The following THG1L variants were observed in gnomAD, a reference collection of about 807,000 sequenced individuals.
THG1L encodes the protein tRNA-histidine guanylyltransferase 1 like.
THG1L carries 27 observed loss-of-function variants against 35.2 expected under a neutral mutation model. The observed-to-expected ratio is 0.77, with a 90% CI of 0.57 to 1.06. The LOEUF is 1.06. THG1L is among the 50% of genes least tolerant of loss of function. The pLI, the probability that THG1L is intolerant of heterozygous loss-of-function variation, is 0.00. For synonymous variants in THG1L, 135 were observed against 132.4 expected, an observed-to-expected ratio of 1.02 and a Z score of -0.14; for missense variants, 377 against 371.8, an observed-to-expected ratio of 1.01 and a Z score of -0.12.
At position 157,732,966 on chromosome 5, in the gene THG1L, T is replaced by C. The variant is rs745642107; in HGVS notation, c.290T>C (p.Ile97Thr). The change falls in exon 2 of 6, where the codon ATT becomes ACT. Residue 97 changes from isoleucine (I) to threonine (T), a missense_variant. Coordinates refer to ENST00000231198, the MANE Select transcript of THG1L (RefSeq NM_017872.5). ...ACTGTGATGGAAGAACTAGAGGATA[T>C]TGTGATCGCGTATGGACAGAGTGAT... Reference protein sequence around the residue: ...AQTVMEELEDIVIAYGQSDEY... With the variant: ...AQTVMEELEDTVIAYGQSDEY... The C allele has an allele frequency of 3.1e-6, 5 of 1,614,226 alleles. No homozygotes were observed. The highest frequency in any genetic ancestry group is 1.1e-5 in the South Asian group (1 of 91,080).
At position 157,739,553 on chromosome 5, in the gene THG1L, G is replaced by C; in HGVS notation, c.*71G>C. On this transcript the variant is annotated 3_prime_UTR_variant, in exon 6 of 6. Coordinates refer to ENST00000231198, the MANE Select transcript of THG1L (RefSeq NM_017872.5). ...CCACCTCCCAGGGCTCCTTGCCTTA[G>C]GTGGCTGTAGCATCCCTACCACCCA... The C allele has an allele frequency of 1.3e-6, 2 of 1,525,186 alleles. No individual in the cohort carries two copies. Among genetic ancestry groups the C allele is most frequent in the Admixed American group, 2.1e-5 (1 of 47,770 alleles). The allele number at this position is 1,525,186 out of a possible 1,614,324, so 94.5% of individuals were successfully genotyped here. A position where few individuals can be genotyped will look rare whatever the true frequency, so the allele number is the denominator to read the frequency against.
Position 157,740,694 on chromosome 5 carries a change from G to A in THG1L, c.*1212G>A, listed in dbSNP as rs1581445662. ...AGGCAGGCAGATCACCTGAGGTCGG[G>A]AGTTCGAGACCAGCGTGACCAACGT... On this transcript the variant is annotated 3_prime_UTR_variant, in exon 6 of 6. Coordinates refer to ENST00000231198, the MANE Select transcript of THG1L (RefSeq NM_017872.5). The A allele has an allele frequency of 6.6e-6, 1 of 152,268 alleles. No individual in the cohort carries two copies. Among genetic ancestry groups the A allele is most frequent in the East Asian group, 1.9e-4 (1 of 5,190 alleles). 9.4% of individuals were successfully genotyped at this position (152,268 alleles called of 1,614,324 possible).
rs1760923647 is a variant in THG1L at position 157,737,868 on chromosome 5, T to C, written c.628-19T>C. The C allele has an allele frequency of 1.3e-6, 2 of 1,596,122 alleles. No individual in the cohort carries two copies. The highest frequency in any genetic ancestry group is 1.1e-5 in the South Asian group (1 of 89,342). On this transcript the variant is annotated intron_variant, in intron 4 of 5. Coordinates refer to ENST00000231198, the MANE Select transcript of THG1L (RefSeq NM_017872.5). ...AAGAAGACATGCAGAGCTTTTAATA[T>C]CTATTTTTATTTTCTCAGGGAACTC...
In THG1L at chr5:157,735,906, C is replaced by T. The variant is rs1442834142; in HGVS notation, c.599C>T (p.Thr200Ile). Residue 200 changes from threonine (T) to isoleucine (I), a missense_variant, in exon 4 of 6, where the codon ACA becomes ATA. Thr to Ile is a moderately conservative substitution (Grantham distance 89, BLOSUM62 -1). Coordinates refer to ENST00000231198, the MANE Select transcript of THG1L (RefSeq NM_017872.5). The stretch of plus-strand genomic sequence containing the variant: ...GCACTTATACAACAATCTGGACTAA[C>T]ACCAGTACAAGCCCAAGGGAGATTA... ...FWALIQQSGL[T>I]PVQAQGRLQG... The T allele has an allele frequency of 1.9e-6, 3 of 1,607,108 alleles. No individual in the cohort carries two copies. Among genetic ancestry groups the T allele is most frequent in the African/African-American group, 1.3e-5 (1 of 74,446 alleles).
intron 2 of THG1L, among the ~76,000 whole-genome samples, chr5:157,733,718 A>G (rs1301101444): frequency 1.3e-5 from 2 of 152,080 alleles, no homozygotes; most frequent in Non-Finnish European, 2.9e-5. Flanking sequence ...CACGCCTGTA[A>G]TCCCAACACT....
rs1255280310 is a variant in THG1L, at chr5:157,735,910, A to G, written c.603A>G (p.Pro201=). 1 of 1,605,982 alleles carries G rather than the reference A, an allele frequency of 6.2e-7. No homozygotes were observed. Among genetic ancestry groups the G allele is most frequent in the Non-Finnish European group, 8.5e-7 (1 of 1,176,674 alleles). Reference sequence around the variant, plus strand: ...TTATACAACAATCTGGACTAACACCAGTACAAGCCCAAGGGAGATTACAGG... The same window carrying G: ...TTATACAACAATCTGGACTAACACCGGTACAAGCCCAAGGGAGATTACAGG... ...WALIQQSGLT[P]VQAQGRLQGT... Residue 201 remains proline (P), a synonymous_variant, in exon 4 of 6, where the codon CCA becomes CCG. Coordinates refer to ENST00000231198, the MANE Select transcript of THG1L (RefSeq NM_017872.5).
chr5:157,733,475 A>G (rs1207567813), intron 2 of THG1L, among the ~76,000 whole-genome samples: 1 of 152,198 alleles, frequency 6.6e-6, no homozygotes, highest in Non-Finnish European at 1.5e-5. Context: ...GAAACAAATC[A>G]TATAATGAAT....
At chr5:157,735,962 T>C in intron 4 of THG1L, 28 bp downstream of exon 4, 1 of 1,473,666 alleles carries the variant, frequency 6.8e-7, no homozygotes, top group Non-Finnish European at 9.4e-7. Flanking sequence ...CATTAATACT[T>C]AACTGGGGAC....
At chr5:157,735,704 G>A (rs1190687752) in intron 3 of THG1L, 142 bp from the exon 4 acceptor site, 2 of 587,250 alleles carry the variant, frequency 3.4e-6, no homozygotes, top group African/African-American at 3.9e-5. Flanking sequence ...TCCGTGTGTA[G>A]GACTTCGGTC....
Position 157,734,829 on chromosome 5 carries a change from A to G in THG1L, c.538+84A>G, listed in dbSNP as rs982011478. 17 of 1,503,926 alleles carry G rather than the reference A, an allele frequency of 1.1e-5. No homozygotes were observed. The East Asian group carries it at 1.8e-4, about 16-fold the overall frequency. The allele number at this position is 1,503,926 out of a possible 1,614,324, so 93.2% of individuals were successfully genotyped here. On this transcript the variant is annotated intron_variant, in intron 3 of 5. Transcript: ENST00000231198. Reference sequence around the variant, plus strand: ...TTGATCTGATACAGGATTGGCTCACATATACTTTGTTTCAACATATACGTT... The same window carrying G: ...TTGATCTGATACAGGATTGGCTCACGTATACTTTGTTTCAACATATACGTT...
chr5:157,739,319 A>C lies in THG1L; in HGVS notation c.736-2A>C, dbSNP rs1159605538. On this transcript the variant is annotated splice_acceptor_variant, in intron 5 of 5. Transcript: ENST00000231198. LOFTEE classifies it high-confidence loss of function. The stretch of plus-strand genomic sequence containing the variant: ...ATGTCACTACTTTATTTTTACCTGT[A>C]GGTGGATGAAGTGATGACAAAAGAA... The C allele has an allele frequency of 2.5e-6, 4 of 1,612,702 alleles. No individual in the cohort carries two copies. Among genetic ancestry groups the C allele is most frequent in the Non-Finnish European group, 3.4e-6 (4 of 1,179,408 alleles).
chr5:157,732,801 T>C (rs1328613715), intron 1 of THG1L, 67 bp from the exon 2 acceptor site: 1 of 1,572,222 alleles, frequency 6.4e-7, no homozygotes, highest in Non-Finnish European at 8.7e-7. Context: ...CTCTGTTATC[T>C]AGCAACAGAG....
In THG1L at chr5:157,739,589, G is replaced by A; in HGVS notation, c.*107G>A. On this transcript the variant is annotated 3_prime_UTR_variant, in exon 6 of 6. Coordinates refer to ENST00000231198, the MANE Select transcript of THG1L (RefSeq NM_017872.5). The stretch of plus-strand genomic sequence containing the variant: ...CATCCCTACCACCCAGGACACTGGT[G>A]CGAATGACACAACTCAAGTTGGGAG... 3 of 1,351,920 alleles carry A rather than the reference G, an allele frequency of 2.2e-6. No homozygotes were observed. The South Asian group carries it at 4.7e-5, about 21-fold the overall frequency. 83.7% of individuals were successfully genotyped at this position (1,351,920 alleles called of 1,614,324 possible).
At chr5:157,738,096 C>T (rs1336400879) in intron 5 of THG1L, 102 bp downstream of exon 5, 2 of 866,088 alleles carry the variant, frequency 2.3e-6, no homozygotes, top group East Asian at 2.7e-5. Context: ...TGATGTTACT[C>T]CAGTTGCTAA....
chr5:157,736,062 T>C, intron 4 of THG1L, 128 bp downstream of exon 4: 1 of 662,390 alleles, frequency 1.5e-6, no homozygotes, highest in Admixed American at 3.4e-5. Context: ...TTTGAAAGGA[T>C]ATAAAAATCA....
chr5:157,738,067 C>G, intron 5 of THG1L, 73 bp downstream of exon 5: 1 of 1,163,342 alleles, frequency 8.6e-7, no homozygotes, highest in Non-Finnish European at 1.3e-6. Flanking sequence ...AAGCTGTGCC[C>G]TCCCTGCTGC....
At chr5:157,732,741 G>C in intron 1 of THG1L, 127 bp from the exon 2 acceptor site, 1 of 1,113,972 alleles carries the variant, frequency 9.0e-7, no homozygotes, top group East Asian at 2.5e-5. Context: ...GTTGTGGCTA[G>C]TTGAGCATTT....
At position 157,735,232 on chromosome 5, in the gene THG1L, C is replaced by A. The variant is rs189112111; in HGVS notation, c.538+487C>A. On this transcript the variant is annotated intron_variant, in intron 3 of 5. Transcript: ENST00000231198. ...GGATTATAGGCGTGAGCCACCACGC[C>A]CAGCCGCCTTATCTCTATTTTTTAA... 2.2e-3 allele frequency among the ~76,000 whole-genome samples: 333 copies of A among 152,274 alleles called. 3 individuals are homozygous for A. The highest frequency in any genetic ancestry group is 3.9e-3 in the Non-Finnish European group (264 of 68,026).
chr5:157,734,945 T>G (rs1760832781), intron 3 of THG1L, among the ~76,000 whole-genome samples, 200 bp downstream of exon 3: 1 of 152,150 alleles, frequency 6.6e-6, no homozygotes, highest in Non-Finnish European at 1.5e-5. Context: ...CTCTATTTTT[T>G]TTTTTTTTTA....
Sources: gnomAD v4.1 joint callset for allele counts (sites outside exome capture counted in the v4.1 genomes callset) on GRCh38, gnomAD v4.1.1 for gene constraint, MANE v1.5 for transcripts, NCBI Gene and HGNC (gene_info 2026-07-23, HGNC 2026-07-21) for gene names.